DGKB: variants seen among roughly 807,000 people sequenced by gnomAD.
DGKB encodes diacylglycerol kinase beta.
Under a neutral mutation model 114.3 loss-of-function variants are expected in DGKB, and 67 were observed. The observed-to-expected ratio is 0.59, with a 90% CI of 0.48 to 0.72. The LOEUF is 0.72. Ranked by LOEUF, DGKB falls within the 30% of genes least tolerant of loss-of-function variation. The probability of loss-of-function intolerance (pLI) is 0.00; values close to 1 mark genes in which losing one functional copy is unlikely to be tolerated. For synonymous variants in DGKB, 398 were observed against 323.1 expected, an observed-to-expected ratio of 1.23 and a Z score of -2.49; for missense variants, 907 against 975.2, an observed-to-expected ratio of 0.93 and a Z score of 0.93.
chr7:14,873,891 T>C (rs890313749), intron 1 of DGKB, among the ~76,000 whole-genome samples: 5 of 152,052 alleles, frequency 3.3e-5, no homozygotes, highest in African/African-American at 9.7e-5. Context: ...ATCCTCTTTG[T>C]AAAATATTAC....
chr7:14,412,333 T>C (rs1825024219), intron 21 of DGKB, among the ~76,000 whole-genome samples: 1 of 152,146 alleles, frequency 6.6e-6, no homozygotes. Flanking sequence ...CAAATTCTGA[T>C]TGGGATAATG....
chr7:14,757,563 C>A, intron 3 of DGKB, 92 bp downstream of exon 3: 2 of 721,524 alleles, frequency 2.8e-6, no homozygotes, highest in South Asian at 3.4e-5. Context: ...CATACACACA[C>A]ACACACATAC....
At chr7:14,445,760 A>C (rs1364575184) in intron 21 of DGKB, among the ~76,000 whole-genome samples, 1 of 151,972 alleles carries the variant, frequency 6.6e-6, no homozygotes, top group Non-Finnish European at 1.5e-5. Context: ...GTCCCTAATA[A>C]CTTATATCCA....
intron 23 of DGKB, among the ~76,000 whole-genome samples, chr7:14,315,559 G>A (rs1316022538): frequency 4.0e-5 from 6 of 150,904 alleles, no homozygotes; most frequent in African/African-American, 1.5e-4. Context: ...ATGGTAAAGG[G>A]ATCAATTCAA....
Position 14,416,426 on chromosome 7 carries a change from ATAT to A in DGKB, c.1835+61732_1835+61734del, listed in dbSNP as rs372775182. ...ACATATATACCCTTCAAATTGATTT[ATAT>A]TATGGGTTATGACCAAAATCTTACC... On this transcript the variant is annotated intron_variant, in intron 21 of 25. Transcript: ENST00000402815. Among the ~76,000 whole-genome samples the A allele has an allele frequency of 6.4e-4, 97 of 152,176 alleles. 1 individual carries two copies. The highest frequency in any genetic ancestry group is 2.3e-3 in the African/African-American group (95 of 41,528).
intron 3 of DGKB, among the ~76,000 whole-genome samples, chr7:14,756,181 G>A (rs1001201976): frequency 6.6e-6 from 1 of 151,930 alleles, no homozygotes; most frequent in Non-Finnish European, 1.5e-5. Flanking sequence ...AGAAAAACAG[G>A]TTTTATCTCT....
At chr7:14,151,556 T>G (rs1372592609) in intron 25 of DGKB, among the ~76,000 whole-genome samples, 1 of 152,084 alleles carries the variant, frequency 6.6e-6, no homozygotes, top group Non-Finnish European at 1.5e-5. Flanking sequence ...CTTTAATCTA[T>G]GTGACTAAGT....
intron 17 of DGKB, among the ~76,000 whole-genome samples, chr7:14,602,535 T>C (rs1349604602): frequency 6.6e-6 from 1 of 152,122 alleles, no homozygotes; most frequent in East Asian, 1.9e-4. Context: ...ATGGGATTAG[T>C]GAATTTGTAA....
At chr7:14,523,118 G>C (rs918837366) in intron 20 of DGKB, among the ~76,000 whole-genome samples, 1 of 152,116 alleles carries the variant, frequency 6.6e-6, no homozygotes, top group Non-Finnish European at 1.5e-5. Context: ...TGTGAACCAA[G>C]ATTAAATGGA....
intron 1 of DGKB, among the ~76,000 whole-genome samples, chr7:14,885,319 C>A (rs1318165589): frequency 6.6e-6 from 1 of 151,912 alleles, no homozygotes; most frequent in East Asian, 1.9e-4. Context: ...TCTAAGAAAG[C>A]TACAGACATA....
chr7:14,787,608 T>TGAAG (rs1840081292), intron 2 of DGKB, among the ~76,000 whole-genome samples: 1 of 151,906 alleles, frequency 6.6e-6, no homozygotes, highest in Admixed American at 6.6e-5. Context: ...TTCTTAAAGG[T>TGAAG]GAAGTGTGGT....
chr7:14,660,154 T>C (rs1473490833), intron 13 of DGKB, among the ~76,000 whole-genome samples: 1 of 151,992 alleles, frequency 6.6e-6, no homozygotes, highest in Non-Finnish European at 1.5e-5. Flanking sequence ...ATTGAGGATA[T>C]TTGCATCAAT....
intron 14 of DGKB, among the ~76,000 whole-genome samples, chr7:14,627,868 G>T (rs868736220): frequency 1.3e-5 from 2 of 151,572 alleles, no homozygotes; most frequent in African/African-American, 4.9e-5. Context: ...GCTTGAACCC[G>T]TGAGGCAGAG....
intron 1 of DGKB, among the ~76,000 whole-genome samples, chr7:14,970,104 G>C (rs1294391814): frequency 2.0e-5 from 3 of 152,050 alleles, no homozygotes; most frequent in African/African-American, 7.2e-5. Flanking sequence ...AACATGGGTT[G>C]GGCTTAATTA....
intron 21 of DGKB, among the ~76,000 whole-genome samples, chr7:14,367,115 C>CTCCCAGCCACGCTA (rs1393384828): frequency 6.6e-5 from 10 of 152,150 alleles, no homozygotes; most frequent in Admixed American, 6.6e-4. Flanking sequence ...TGAACCTCAG[C>CTCCCAGCCACGCTA]TCCCAGCCAC....
At chr7:14,605,001 C>A (rs868029171) in intron 17 of DGKB, among the ~76,000 whole-genome samples, 356 of 152,176 alleles carry the variant, frequency 2.3e-3, no homozygotes, top group African/African-American at 7.9e-3. Context: ...TTTTTTAAAA[C>A]AAACTTTTGA....
At chr7:14,884,307 C>G (rs1388614653) in intron 1 of DGKB, among the ~76,000 whole-genome samples, 1 of 151,696 alleles carries the variant, frequency 6.6e-6, no homozygotes, top group East Asian at 1.9e-4. Flanking sequence ...GAAACGGAAC[C>G]ATTTAACTAT....
chr7:14,923,091 C>T (rs1784587019), intron 1 of DGKB, among the ~76,000 whole-genome samples: 1 of 152,002 alleles, frequency 6.6e-6, no homozygotes. Context: ...ATTTTTGGTA[C>T]ACAGTTTGAA....
intron 6 of DGKB, among the ~76,000 whole-genome samples, chr7:14,709,985 G>A (rs1407487387): frequency 6.2e-5 from 9 of 144,586 alleles, no homozygotes; most frequent in Non-Finnish European, 6.1e-5. Flanking sequence ...AAAAAGAAAA[G>A]AAAAGAAAAA....
Sources: allele counts gnomAD v4.1 joint callset (sites outside exome capture counted in the v4.1 genomes callset), GRCh38; gene constraint gnomAD v4.1.1; transcripts MANE v1.5; gene names NCBI Gene and HGNC (gene_info 2026-07-23, HGNC 2026-07-21).